POLR2F: variants seen among roughly 807,000 people sequenced by gnomAD.
The protein encoded by POLR2F is RNA polymerase II, I and III subunit F.
POLR2F carries 12 observed loss-of-function variants against 22.7 expected under a neutral mutation model. That is an observed-to-expected ratio of 0.53 (90% CI 0.34 to 0.86). The LOEUF (loss-of-function observed/expected upper bound fraction) is 0.86. Ranked by LOEUF, POLR2F falls within the 40% of genes least tolerant of loss-of-function variation. The pLI, the probability that POLR2F is intolerant of heterozygous loss-of-function variation, is 0.02. For synonymous variants in POLR2F, 57 were observed against 66.0 expected, an observed-to-expected ratio of 0.86 and a Z score of 0.66; for missense variants, 126 against 171.5, an observed-to-expected ratio of 0.73 and a Z score of 1.48.
intron 1 of POLR2F, among the ~76,000 whole-genome samples, chr22:38,000,213 C>T (rs3026659): frequency 0.26 from 39,473 of 152,180 alleles, 6,378 homozygotes; most frequent in Non-Finnish European, 0.36. Context: ...TGCGCCCCCA[C>T]GGTAGACTCT....
At chr22:37,989,105 C>T (rs961194386) in intron 1 of POLR2F, among the ~76,000 whole-genome samples, 5 of 152,112 alleles carry the variant, frequency 3.3e-5, no homozygotes, top group African/African-American at 9.7e-5. Flanking sequence ...TCCTCAGTCT[C>T]GGATGTAGTG....
chr22:38,008,362 C>A (rs1320030477), intron 1 of POLR2F, among the ~76,000 whole-genome samples: 2 of 151,098 alleles, frequency 1.3e-5, no homozygotes, highest in African/African-American at 4.9e-5. Flanking sequence ...CCAGGCTGGT[C>A]AACATGGTAA....
At chr22:37,986,158 C>T (rs753314655), upstream of POLR2F, 32 of 1,533,724 alleles carry the variant, frequency 2.1e-5, no homozygotes, top group East Asian at 4.9e-5. This position sits in a 1 kb window ranked among gnomAD's most constrained non-coding sequence, Gnocchi z 4.7. Flanking sequence ...TAACAGCGCC[C>T]GCTCGGCCTC....
intron 5 of POLR2F, chr22:38,032,788 GGA>G (rs1468202359): frequency 1.3e-5 from 2 of 152,910 alleles, no homozygotes; most frequent in Admixed American, 1.3e-4. Context: ...GGAGTTCTGC[GGA>G]GAGGGTGCTT....
At chr22:38,024,033 G>C (rs1401366365) in intron 1 of POLR2F, among the ~76,000 whole-genome samples, 1 of 151,640 alleles carries the variant, frequency 6.6e-6, no homozygotes. Flanking sequence ...AGTAGAGACG[G>C]GGGTTTCACC....
At chr22:37,966,712 C>T (rs1931866210) in intron 3 of POLR2F, among the ~76,000 whole-genome samples, 1 of 152,014 alleles carries the variant, frequency 6.6e-6, no homozygotes, top group Non-Finnish European at 1.5e-5. Context: ...TTGCAGTGAG[C>T]CACGATCTCC....
At chr22:38,008,599 C>T (rs2084844003) in intron 1 of POLR2F, among the ~76,000 whole-genome samples, 1 of 150,762 alleles carries the variant, frequency 6.6e-6, no homozygotes, top group Admixed American at 6.6e-5. Flanking sequence ...AAGCCAGGCG[C>T]GGTGGCTCAG....
In POLR2F at chr22:37,986,328, T is replaced by A; in HGVS notation, c.120+16T>A. 1 of 1,534,034 alleles carries A rather than the reference T, an allele frequency of 6.5e-7. No individual in the cohort carries two copies. The highest frequency in any genetic ancestry group is 8.7e-7 in the Non-Finnish European group (1 of 1,145,048). ...CTCTCTCCCGGTGGGTCCCCACTCA[T>A]CCTTCCACCCCTCAGTTCCTCCTCT... On this transcript the variant is annotated intron_variant, in intron 1 of 2. Transcript: ENST00000333418. This position sits in a 1 kb window ranked among gnomAD's most constrained non-coding sequence, Gnocchi z 4.7.
intron 3 of POLR2F, among the ~76,000 whole-genome samples, chr22:37,965,980 G>A (rs1931838369): frequency 6.6e-6 from 1 of 152,196 alleles, no homozygotes; most frequent in Admixed American, 6.5e-5. Flanking sequence ...CCCACTGTGG[G>A]CCAAGTGTTA....
chr22:37,980,022 C>T lies in POLR2F; in HGVS notation c.293+12852C>T, dbSNP rs1932347065. 6.6e-6 allele frequency among the ~76,000 whole-genome samples: 1 copy of T among 152,182 alleles called. No individual in the cohort carries two copies. Among genetic ancestry groups the T allele is most frequent in the South Asian group, 2.1e-4 (1 of 4,830 alleles). On this transcript the variant is annotated intron_variant, in intron 4 of 4. Coordinates refer to the POLR2F transcript ENST00000405557. The surrounding 1 kb of genome is among the most constrained non-coding windows in gnomAD (Gnocchi z 4.1). ...CCTCCTAGCCGGCAGCAGCATTCCT[C>T]TGCGGCTTAGCCTCCCTGTCTACTC...
intron 1 of POLR2F, among the ~76,000 whole-genome samples, chr22:38,007,526 G>T (rs1370893057): frequency 6.6e-6 from 1 of 152,246 alleles, no homozygotes; most frequent in African/African-American, 2.4e-5. Context: ...GGAGCTGGCG[G>T]TGGACAGAGC....
At chr22:37,998,895 A>G (rs1379821586) in intron 1 of POLR2F, among the ~76,000 whole-genome samples, 3 of 151,946 alleles carry the variant, frequency 2.0e-5, no homozygotes, top group Non-Finnish European at 1.5e-5. Flanking sequence ...GGAGATGTCA[A>G]AGGCAGGGCA....
rs8137005 is a variant in POLR2F at position 37,978,760 on chromosome 22, G to A, written c.293+11590G>A. On this transcript the variant is annotated intron_variant, in intron 4 of 4. Transcript: ENST00000405557. The surrounding 1 kb of genome is among the most constrained non-coding windows in gnomAD (Gnocchi z 5.0). ...TGGGAAGCGGGCTGAGCACCTTGAG[G>A]AAGAGGTGCTTTTCTTTCTTTCTTT... is the stretch of plus-strand genomic sequence containing the variant. Among the ~76,000 whole-genome samples, 5,280 of 152,142 alleles carry A rather than the reference G, an allele frequency of 0.035. 297 individuals are homozygous for A. The highest frequency in any genetic ancestry group is 0.12 in the African/African-American group (5,035 of 41,456).
At chr22:38,022,725 T>G (rs1425937040) in intron 1 of POLR2F, among the ~76,000 whole-genome samples, 2 of 151,280 alleles carry the variant, frequency 1.3e-5, no homozygotes, top group Non-Finnish European at 2.9e-5. Context: ...AAAAAAGAAA[T>G]AAGTGGGCCA....
At chr22:38,040,767 C>G (rs952729324) in intron 5 of POLR2F, 4 of 457,914 alleles carry the variant, frequency 8.7e-6, no homozygotes, top group Non-Finnish European at 1.6e-5. Context: ...AACGAGGGCA[C>G]TGGCACCTGC....
At chr22:37,981,816 C>T (rs1319792749), upstream of POLR2F, among the ~76,000 whole-genome samples, 2 of 152,228 alleles carry the variant, frequency 1.3e-5, no homozygotes, top group Non-Finnish European at 2.9e-5. Context: ...ACTGGGCTGT[C>T]TGGGTCCACA....
At chr22:38,018,876 G>A (rs2084936747) in intron 1 of POLR2F, among the ~76,000 whole-genome samples, 1 of 152,212 alleles carries the variant, frequency 6.6e-6, no homozygotes, top group African/African-American at 2.4e-5. Context: ...GCTGGGGTCA[G>A]ATTCAGGGAA....
chr22:38,002,634 G>T (rs143635830), intron 1 of POLR2F, among the ~76,000 whole-genome samples: 1 of 152,242 alleles, frequency 6.6e-6, no homozygotes, highest in Non-Finnish European at 1.5e-5. Flanking sequence ...TGGGGGCAAC[G>T]GAGAAGGGCT....
At chr22:37,972,160 G>A (rs1932078221), downstream of POLR2F, 36 of 692,522 alleles carry the variant, frequency 5.2e-5, no homozygotes, top group South Asian at 5.3e-4. Context: ...AGGGGAAGGG[G>A]GTGGGGAAAG....
Sources: gnomAD v4.1 joint callset for allele counts (sites outside exome capture counted in the v4.1 genomes callset) on GRCh38, gnomAD v4.1.1 for gene constraint, Gnocchi (gnomAD v3.1) non-coding constraint, MANE v1.5 for transcripts, NCBI Gene and HGNC (gene_info 2026-07-23, HGNC 2026-07-21) for gene names.